LTBP1: variants seen among roughly 807,000 people sequenced by gnomAD.
LTBP1 encodes latent-transforming growth factor beta-binding protein 1.
Under a neutral mutation model 207.6 loss-of-function variants are expected in LTBP1, and 129 were observed. That is an observed-to-expected ratio of 0.62 (90% CI 0.54 to 0.72). The LOEUF (loss-of-function observed/expected upper bound fraction) is 0.72. Ranked by LOEUF, LTBP1 falls within the 30% of genes least tolerant of loss-of-function variation. The probability of loss-of-function intolerance (pLI) is 0.00; values close to 1 mark genes in which losing one functional copy is unlikely to be tolerated. For synonymous variants in LTBP1, 963 were observed against 833.7 expected, an observed-to-expected ratio of 1.16 and a Z score of -2.67; for missense variants, 2,281 against 2,217.2, an observed-to-expected ratio of 1.03 and a Z score of -0.58.
chr2:33,077,648 G>A (rs1169875650), intron 3 of LTBP1, among the ~76,000 whole-genome samples: 2 of 152,114 alleles, frequency 1.3e-5, no homozygotes, highest in Non-Finnish European at 2.9e-5. Flanking sequence ...AGGCACCCCC[G>A]AACCGGCCCC....
At chr2:33,156,703 T>A (rs1184998196) in intron 5 of LTBP1, among the ~76,000 whole-genome samples, 2 of 152,222 alleles carry the variant, frequency 1.3e-5, no homozygotes, top group Non-Finnish European at 2.9e-5. Context: ...ACTATATATA[T>A]AACAATTGAA....
intron 7 of LTBP1, among the ~76,000 whole-genome samples, chr2:33,203,214 C>T (rs1241969151): frequency 1.3e-5 from 2 of 152,266 alleles, no homozygotes; most frequent in East Asian, 3.9e-4. Context: ...TGGTCTTGTT[C>T]CAGCAACCTC....
chr2:33,262,372 T>C (rs2093039218), intron 13 of LTBP1, among the ~76,000 whole-genome samples: 1 of 152,132 alleles, frequency 6.6e-6, no homozygotes, highest in Admixed American at 6.6e-5. Context: ...ATAGTCCTCG[T>C]TGGGGGTTAG....
chr2:33,362,865 C>G (rs1013364122), intron 28 of LTBP1, among the ~76,000 whole-genome samples: 2 of 152,142 alleles, frequency 1.3e-5, no homozygotes, highest in African/African-American at 4.8e-5. Context: ...TCCAATTTAT[C>G]ATTGAGTAAA....
chr2:33,114,400 T>C (rs576451872), intron 4 of LTBP1, among the ~76,000 whole-genome samples: 1 of 152,252 alleles, frequency 6.6e-6, no homozygotes, highest in South Asian at 2.1e-4. Context: ...TGGATTTGGC[T>C]CATGGGCTAT....
At chr2:33,032,816 C>T (rs1250051803) in intron 3 of LTBP1, among the ~76,000 whole-genome samples, 3 of 152,140 alleles carry the variant, frequency 2.0e-5, no homozygotes, top group Non-Finnish European at 2.9e-5. Context: ...AGTGTAGTAA[C>T]ATGCTGCTTG....
intron 32 of LTBP1, among the ~76,000 whole-genome samples, chr2:33,390,207 T>A (rs2095303629): frequency 6.6e-6 from 1 of 152,200 alleles, no homozygotes; most frequent in African/African-American, 2.4e-5. Flanking sequence ...CAACTTTTCC[T>A]GGATTAGTGA....
rs377663333 is a variant in LTBP1, at chr2:33,182,699, T to TACAC, written c.1202-4123_1202-4120dup. ...AAGAAAAGATGGTGATATATATATA[T>TACAC]ACACACACACACACACACACACACA... On this transcript the variant is annotated intron_variant, in intron 5 of 33. Transcript: ENST00000404816. 2.9e-3 allele frequency among the ~76,000 whole-genome samples: 230 copies of TACAC among 78,830 alleles called. 32 individuals are homozygous for TACAC. Among genetic ancestry groups the TACAC allele is most frequent in the South Asian group, 0.011 (28 of 2,592 alleles). 51.7% of individuals were successfully genotyped at this position (78,830 alleles called of 152,430 possible). A position where few individuals can be genotyped will look rare whatever the true frequency, so the allele number is the denominator to read the frequency against.
chr2:33,083,611 G>T (rs1397259031), intron 3 of LTBP1, among the ~76,000 whole-genome samples: 2 of 152,126 alleles, frequency 1.3e-5, no homozygotes, highest in Admixed American at 1.3e-4. Context: ...GCTGCAGTAG[G>T]TCCTTAACTT....
rs1478872579 is a variant in LTBP1, at chr2:33,294,228, G to GCT, written c.3235+952_3235+953dup. Among the ~76,000 whole-genome samples the GCT allele has an allele frequency of 4.0e-5, 6 of 151,182 alleles. No homozygotes were observed. The South Asian group carries it at 1.0e-3, about 26-fold the overall frequency. ...GGGTGTTTTTTTGAGGTGGAGTCTT[G>GCT]CTCTCTCCCCCAGGCTGGAGTGCTG... is the stretch of plus-strand genomic sequence containing the variant. On this transcript the variant is annotated intron_variant, in intron 20 of 33. Coordinates refer to ENST00000404816, the MANE Select transcript of LTBP1 (RefSeq NM_206943.4).
chr2:33,116,947 A>G (rs2080782387), intron 4 of LTBP1, among the ~76,000 whole-genome samples: 1 of 152,232 alleles, frequency 6.6e-6, no homozygotes, highest in Non-Finnish European at 1.5e-5. Flanking sequence ...TCCCACCTGC[A>G]GTGGCACCAC....
In LTBP1 at chr2:33,342,892, A is replaced by G. The variant is rs770326287; in HGVS notation, c.3785A>G (p.Asn1262Ser). Reference protein sequence around the residue: ...TVCDSHGFCDNTAGSFRCLCY... With the variant: ...TVCDSHGFCDSTAGSFRCLCY... ...TGTGACAGTCACGGGTTTTGTGACA[A>G]TACAGCTGGCTCCTTCCGCTGCCTC... The change falls in exon 25 of 34, where the codon AAT becomes AGT. Residue 1262 changes from asparagine (N) to serine (S), a missense_variant. Physicochemically the swap from Asn to Ser is conservative, Grantham distance 46. Around this residue, in one of 3 missense-constraint regions of LTBP1, gnomAD observed 1,671 missense variants for 1,634.8 expected, o/e 1.02. Coordinates refer to ENST00000404816, the MANE Select transcript of LTBP1 (RefSeq NM_206943.4). 8 of 1,614,036 alleles carry G rather than the reference A, an allele frequency of 5.0e-6. No individual in the cohort carries two copies. The East Asian group carries it at 1.1e-4, about 22-fold the overall frequency.
chr2:33,360,891 A>G, intron 27 of LTBP1, 112 bp downstream of exon 27: 1 of 864,658 alleles, frequency 1.2e-6, no homozygotes, highest in Admixed American at 2.5e-5. Flanking sequence ...CTTACCTTAT[A>G]GTGAGTTTCA....
chr2:33,100,978 C>G (rs2079698841), intron 3 of LTBP1, among the ~76,000 whole-genome samples: 1 of 152,178 alleles, frequency 6.6e-6, no homozygotes, highest in African/African-American at 2.4e-5. Flanking sequence ...TGCCTTTTTG[C>G]TGTTATGAAT....
intron 3 of LTBP1, among the ~76,000 whole-genome samples, chr2:33,099,885 C>T (rs1355226097): frequency 1.3e-5 from 2 of 152,190 alleles, no homozygotes; most frequent in African/African-American, 2.4e-5. Flanking sequence ...TTCCCACTAC[C>T]TTTTCCATTC....
intron 2 of LTBP1, among the ~76,000 whole-genome samples, chr2:32,982,709 G>T (rs11124300): frequency 0.045 from 6,791 of 152,290 alleles, 503 homozygotes; most frequent in East Asian, 0.28. Context: ...TACAGCTCGG[G>T]CCGTGGCTTC....
intron 24 of LTBP1, among the ~76,000 whole-genome samples, chr2:33,340,664 T>C (rs2094607904): frequency 1.3e-5 from 2 of 151,940 alleles, no homozygotes; most frequent in Non-Finnish European, 2.9e-5. Context: ...TTCTAGGTCA[T>C]TGAGGAGGAG....
chr2:33,115,075 T>C (rs972868929), intron 4 of LTBP1, among the ~76,000 whole-genome samples: 9 of 134,088 alleles, frequency 6.7e-5, no homozygotes, highest in Non-Finnish European at 1.4e-4. Flanking sequence ...CACACACACG[T>C]ATACACAAAT....
intron 2 of LTBP1, among the ~76,000 whole-genome samples, chr2:32,999,937 C>G (rs1192557739): frequency 7.4e-6 from 1 of 134,408 alleles, no homozygotes; most frequent in Non-Finnish European, 1.6e-5. Flanking sequence ...GTATCTGGCA[C>G]CAGGCCACAG....
Sources: allele counts gnomAD v4.1 joint callset (sites outside exome capture counted in the v4.1 genomes callset), GRCh38; gene constraint gnomAD v4.1.1; regional missense constraint gnomAD v4.1.1; transcripts MANE v1.5; gene names NCBI Gene and HGNC (gene_info 2026-07-23, HGNC 2026-07-21).